The following SERTM1 variants were observed in gnomAD, a reference collection of about 807,000 sequenced individuals.
SERTM1 encodes the protein serine-rich and transmembrane domain-containing protein 1.
SERTM1 carries 1 observed loss-of-function variant against 5.5 expected under a neutral mutation model. The ratio of observed to expected loss-of-function variants is 0.18; its 90% CI spans 0.06 to 0.86. The LOEUF (loss-of-function observed/expected upper bound fraction) is 0.86, where lower values mean the gene tolerates loss of function less well. SERTM1 is among the 40% of genes least tolerant of loss of function. SERTM1 has a pLI of 0.69. For synonymous variants in SERTM1, 52 were observed against 55.1 expected, an observed-to-expected ratio of 0.94 and a Z score of 0.25; for missense variants, 91 against 122.4, an observed-to-expected ratio of 0.74 and a Z score of 1.21.
At chr13:36,694,508 G>T (rs1180433868) in intron 1 of SERTM1, among the ~76,000 whole-genome samples, 3 of 152,216 alleles carry the variant, frequency 2.0e-5, no homozygotes, top group Non-Finnish European at 4.4e-5. Context: ...TACTGGTCAG[G>T]AATTATGCTA....
chr13:36,675,845 T>C (rs1443687082), intron 1 of SERTM1, among the ~76,000 whole-genome samples: 2 of 152,196 alleles, frequency 1.3e-5, no homozygotes, highest in African/African-American at 2.4e-5. Flanking sequence ...TCTGGAAATA[T>C]TGAGATCCAG....
At chr13:36,690,227 A>C (rs1381191018) in intron 1 of SERTM1, among the ~76,000 whole-genome samples, 2 of 152,200 alleles carry the variant, frequency 1.3e-5, no homozygotes, top group African/African-American at 2.4e-5. Context: ...AGATAGATGC[A>C]GTTTATTTCC....
At position 36,695,126 on chromosome 13, in the gene SERTM1, T is replaced by G. The variant is rs1486596193; in HGVS notation, c.48T>G (p.Asn16Lys). 2.5e-6 allele frequency: 4 copies of G among 1,614,170 alleles called. No homozygotes were observed. Among genetic ancestry groups the G allele is most frequent in the Non-Finnish European group, 2.5e-6 (3 of 1,180,012 alleles). ...TSSGFSGSVENGTFLELFPTS... is the reference protein window; with the variant it reads ...TSSGFSGSVEKGTFLELFPTS... ...CAGGATTTTCGGGAAGTGTGGAGAA[T>G]GGAACTTTTCTTGAGCTGTTTCCCA... is the stretch of plus-strand genomic sequence containing the variant. The change falls in exon 2 of 2, where the codon AAT (asparagine) becomes AAG (lysine). Residue 16 changes from asparagine (N) to lysine (K), a missense_variant. Transcript: ENST00000315190.
chr13:36,694,503 G>C (rs2056800029), intron 1 of SERTM1, among the ~76,000 whole-genome samples: 1 of 152,176 alleles, frequency 6.6e-6, no homozygotes, highest in Non-Finnish European at 1.5e-5. Flanking sequence ...GGATTTACTG[G>C]TCAGGAATTA....
intron 1 of SERTM1, among the ~76,000 whole-genome samples, chr13:36,676,263 T>A (rs1408212283): frequency 2.0e-5 from 3 of 151,970 alleles, no homozygotes; most frequent in Non-Finnish European, 2.9e-5. Flanking sequence ...CTTGGAGTTA[T>A]ACGTTCATTA....
At chr13:36,674,555 T>A (rs951088380) in intron 1 of SERTM1, among the ~76,000 whole-genome samples, 2 of 152,128 alleles carry the variant, frequency 1.3e-5, no homozygotes, top group African/African-American at 4.8e-5. Context: ...CAAGGTGGAT[T>A]CCTCCATGCA....
intron 1 of SERTM1, among the ~76,000 whole-genome samples, chr13:36,677,548 A>G (rs1376987557): frequency 1.3e-5 from 2 of 152,226 alleles, no homozygotes; most frequent in East Asian, 3.8e-4. Context: ...TTAAGAAGGT[A>G]ACAGACCTGA....
At position 36,697,693 on chromosome 13, in the gene SERTM1, G is replaced by A. The variant is rs2056825519; in HGVS notation, c.*2291G>A. Reference sequence around the variant, plus strand: ...TCAATGTTTAGTAGAGAAATTAAGAGCCACATTCAAAGATGGAAAATAAGA... The same window carrying A: ...TCAATGTTTAGTAGAGAAATTAAGAACCACATTCAAAGATGGAAAATAAGA... On this transcript the variant is annotated 3_prime_UTR_variant, in exon 2 of 2. Transcript: ENST00000315190. 1 of 167,026 alleles carries A rather than the reference G, an allele frequency of 6.0e-6. No individual in the cohort carries two copies. The highest frequency in any genetic ancestry group is 6.5e-5 in the Admixed American group (1 of 15,270). 10.3% of individuals were successfully genotyped at this position (167,026 alleles called of 1,614,324 possible).
chr13:36,676,242 C>T (rs1043002624), intron 1 of SERTM1, among the ~76,000 whole-genome samples: 2 of 151,966 alleles, frequency 1.3e-5, no homozygotes, highest in African/African-American at 4.8e-5. Flanking sequence ...CCATACTAAC[C>T]TTTAAGCAAA....
chr13:36,688,592 A>G (rs1283049282), intron 1 of SERTM1, among the ~76,000 whole-genome samples: 1 of 152,166 alleles, frequency 6.6e-6, no homozygotes, highest in Non-Finnish European at 1.5e-5. Context: ...GATTTAACCA[A>G]TTTTAGCTGA....
chr13:36,692,703 T>A (rs1194678748), intron 1 of SERTM1, among the ~76,000 whole-genome samples: 1 of 152,178 alleles, frequency 6.6e-6, no homozygotes, highest in Non-Finnish European at 1.5e-5. Context: ...GTTGTGCAAA[T>A]GAGAAAAATA....
chr13:36,689,357 T>C (rs948576919), intron 1 of SERTM1, among the ~76,000 whole-genome samples: 1 of 151,744 alleles, frequency 6.6e-6, no homozygotes, highest in Non-Finnish European at 1.5e-5. Context: ...ATACAAAAAT[T>C]AGCGGGGCAT....
At chr13:36,680,272 A>G (rs2056696583) in intron 1 of SERTM1, among the ~76,000 whole-genome samples, 1 of 152,200 alleles carries the variant, frequency 6.6e-6, no homozygotes, top group South Asian at 2.1e-4. Flanking sequence ...AAATGGGTCT[A>G]GTTGAATGGA....
chr13:36,675,331 T>C (rs80199285), intron 1 of SERTM1, among the ~76,000 whole-genome samples: 3,483 of 152,320 alleles, frequency 0.023, 58 homozygotes, highest in Non-Finnish European at 0.032. Context: ...CTGACAGCGT[T>C]ACTGTCCTGG....
At chr13:36,689,326 C>T (rs2138094968) in intron 1 of SERTM1, among the ~76,000 whole-genome samples, 1 of 151,788 alleles carries the variant, frequency 6.6e-6, no homozygotes, top group South Asian at 2.1e-4. Flanking sequence ...GCCAACATGA[C>T]GAAACCCCAT....
At chr13:36,691,573 C>A (rs2056778762) in intron 1 of SERTM1, among the ~76,000 whole-genome samples, 1 of 151,984 alleles carries the variant, frequency 6.6e-6, no homozygotes, top group Admixed American at 6.6e-5. Context: ...TGTTGTGATC[C>A]AACTGTCTCA....
chr13:36,681,522 T>C (rs971448142), intron 1 of SERTM1, among the ~76,000 whole-genome samples: 2 of 152,240 alleles, frequency 1.3e-5, no homozygotes, highest in Admixed American at 6.5e-5. Flanking sequence ...TGGTTTAGCA[T>C]TGAGATGGAG....
intron 1 of SERTM1, among the ~76,000 whole-genome samples, chr13:36,688,083 GGT>G (rs371825349): frequency 1.2e-3 from 179 of 152,082 alleles, no homozygotes; most frequent in African/African-American, 4.1e-3. Context: ...AACATTTTCT[GGT>G]TGGACAAAAA....
intron 1 of SERTM1, among the ~76,000 whole-genome samples, chr13:36,684,284 G>A (rs2056726096): frequency 2.0e-5 from 3 of 150,542 alleles, no homozygotes; most frequent in Admixed American, 6.6e-5. Context: ...GCGACAGAGC[G>A]AGACTCTGTC....
Sources: gnomAD v4.1 joint callset for allele counts (sites outside exome capture counted in the v4.1 genomes callset) on GRCh38, gnomAD v4.1.1 for gene constraint, MANE v1.5 for transcripts, NCBI Gene and HGNC (gene_info 2026-07-23, HGNC 2026-07-21) for gene names.